The following GRB10 variants were observed in gnomAD, a reference collection of about 807,000 sequenced individuals.
The protein encoded by GRB10 is growth factor receptor-bound protein 10.
GRB10 carries 20 observed loss-of-function variants against 80.9 expected under a neutral mutation model. The observed-to-expected ratio is 0.25, with a 90% CI of 0.17 to 0.36. The LOEUF (loss-of-function observed/expected upper bound fraction) is 0.36, where lower values mean the gene tolerates loss of function less well. Ranked by LOEUF, GRB10 falls within the 10% of genes least tolerant of loss-of-function variation. The probability of loss-of-function intolerance (pLI) is 1.00; values close to 1 mark genes in which losing one functional copy is unlikely to be tolerated. For synonymous variants in GRB10, 291 were observed against 291.5 expected, an observed-to-expected ratio of 1.00 and a Z score of 0.02; for missense variants, 548 against 747.7, an observed-to-expected ratio of 0.73 and a Z score of 3.12.
chr7:50,710,910 G>C, intron 4 of GRB10: 1 of 1,612,680 alleles, frequency 6.2e-7, no homozygotes, highest in East Asian at 2.2e-5. Flanking sequence ...GCTTGCATAG[G>C]AGGTCTCTCT....
intron 2 of GRB10, chr7:50,779,738 G>A (rs796408891): frequency 4.6e-5 from 7 of 152,394 alleles, no homozygotes; most frequent in African/African-American, 1.7e-4. Context: ...AAGCCACCAG[G>A]ACTACCTTGA....
chr7:50,746,498 C>T (rs116709439), intron 3 of GRB10, among the ~76,000 whole-genome samples: 1 of 152,176 alleles, frequency 6.6e-6, no homozygotes, highest in African/African-American at 2.4e-5. Flanking sequence ...AAGGGAGGAG[C>T]GGGCACCCTC....
chr7:50,635,288 G>A (rs2054747567), intron 7 of GRB10, among the ~76,000 whole-genome samples: 1 of 152,062 alleles, frequency 6.6e-6, no homozygotes, highest in Admixed American at 6.5e-5. Flanking sequence ...TGACTTTTGG[G>A]TAAACAATGA....
chr7:50,740,695 ACAT>A (rs36036699), intron 3 of GRB10, among the ~76,000 whole-genome samples: 98,283 of 151,664 alleles, frequency 0.65, 35,160 homozygotes, highest in Middle Eastern at 0.84. Context: ...AATTCTTTAA[ACAT>A]CAAAGGGAAA....
At chr7:50,747,175 C>T (rs192154214) in intron 3 of GRB10, among the ~76,000 whole-genome samples, 28 of 152,196 alleles carry the variant, frequency 1.8e-4, no homozygotes, top group African/African-American at 6.5e-4. Flanking sequence ...CAGTCATGGT[C>T]GCTGCTGGTG....
At chr7:50,641,682 AC>A (rs1332318634) in intron 7 of GRB10, among the ~76,000 whole-genome samples, 1 of 152,182 alleles carries the variant, frequency 6.6e-6, no homozygotes, top group African/African-American at 2.4e-5. Flanking sequence ...GACAAGGCAG[AC>A]CATCACAAAC....
intron 4 of GRB10, chr7:50,711,035 A>G: frequency 1.3e-6 from 1 of 790,628 alleles, no homozygotes; most frequent in Non-Finnish European, 2.2e-6. Context: ...CCACTAAGGT[A>G]AACAAAGACC....
At position 50,703,808 on chromosome 7, in the gene GRB10, G is replaced by A. The variant is rs760719730; in HGVS notation, c.139+13C>T. On this transcript the variant is annotated intron_variant, in intron 5 of 18. Transcript: ENST00000401949. ...AGAACTGGGAGTGTTCTTGTGTTTT[G>A]CTCATTCCTTACCCTGGTGATTCGC... 6 of 1,601,140 alleles carry A rather than the reference G, an allele frequency of 3.7e-6. No individual in the cohort carries two copies. In the Admixed American group the frequency reaches 1.0e-4, roughly 27 times the overall value.
At chr7:50,753,893 T>C (rs1481715960) in intron 3 of GRB10, among the ~76,000 whole-genome samples, 2 of 152,108 alleles carry the variant, frequency 1.3e-5, no homozygotes, top group Non-Finnish European at 2.9e-5. Flanking sequence ...ATCCAGGAAG[T>C]GGGCGCTGGG....
At chr7:50,789,958 A>G (rs1403529600) in intron 1 of GRB10, among the ~76,000 whole-genome samples, 3 of 152,214 alleles carry the variant, frequency 2.0e-5, no homozygotes, top group Non-Finnish European at 4.4e-5. Flanking sequence ...GGTGGTTTTA[A>G]GCTTTGACTG....
intron 3 of GRB10, among the ~76,000 whole-genome samples, chr7:50,747,128 C>A (rs916458010): frequency 2.0e-5 from 3 of 152,144 alleles, no homozygotes; most frequent in Non-Finnish European, 1.5e-5. Context: ...TTATTTGAAT[C>A]ATTAGGAGTT....
chr7:50,736,535 G>A (rs1460186377), intron 3 of GRB10, among the ~76,000 whole-genome samples: 2 of 152,196 alleles, frequency 1.3e-5, no homozygotes, highest in Admixed American at 6.5e-5. Flanking sequence ...GCTCACGCCT[G>A]TAATCCCCAT....
At chr7:50,740,313 T>G (rs2071483151) in intron 3 of GRB10, among the ~76,000 whole-genome samples, 1 of 152,150 alleles carries the variant, frequency 6.6e-6, no homozygotes, top group African/African-American at 2.4e-5. Flanking sequence ...AGCTTCACTT[T>G]TGAGACAGTC....
intron 8 of GRB10, among the ~76,000 whole-genome samples, chr7:50,624,007 T>A (rs945648350): frequency 6.6e-6 from 1 of 152,332 alleles, no homozygotes; most frequent in East Asian, 1.9e-4. Flanking sequence ...TCAGTAATAA[T>A]GTACTTTGTA....
chr7:50,776,284 GCTCACTGTAGC>G (rs376998372), intron 2 of GRB10, among the ~76,000 whole-genome samples: 1 of 152,104 alleles, frequency 6.6e-6, no homozygotes, highest in Non-Finnish European at 1.5e-5. Context: ...CAGAATCATG[GCTCACTGTAGC>G]CTTGACCTCC....
intron 4 of GRB10, among the ~76,000 whole-genome samples, chr7:50,726,668 C>T (rs956753808): frequency 6.6e-6 from 1 of 152,182 alleles, no homozygotes; most frequent in African/African-American, 2.4e-5. Flanking sequence ...ACCTTACGAT[C>T]AGCACACATG....
chr7:50,669,149 A>C (rs2060104083), intron 7 of GRB10, among the ~76,000 whole-genome samples: 1 of 152,214 alleles, frequency 6.6e-6, no homozygotes, highest in Non-Finnish European at 1.5e-5. Context: ...TAAACATCAA[A>C]TCATTGTTAT....
In GRB10 at chr7:50,674,499, T is replaced by C. The variant is rs1157122043; in HGVS notation, c.299A>G (p.Gln100Arg). 2 of 1,609,336 alleles carry C rather than the reference T, an allele frequency of 1.2e-6. No individual in the cohort carries two copies. The highest frequency in any genetic ancestry group is 1.7e-6 in the Non-Finnish European group (2 of 1,180,004). Reference sequence around the variant, plus strand: ...CCTCTGCCTCGGGGACACCTGTGGCTGGATGGACCGAGGAGGGCCTGAAGC... The same window carrying C: ...CCTCTGCCTCGGGGACACCTGTGGCCGGATGGACCGAGGAGGGCCTGAAGC... ...PRASGPPRSI[Q>R]PQVSPRQRVQ... The change falls in exon 6 of 19, where the codon CAG becomes CGG. Residue 100 changes from glutamine to arginine, a missense_variant. Physicochemically the swap from Gln to Arg is conservative, Grantham distance 43 (BLOSUM62 1). Around this residue, in one of 4 missense-constraint regions of GRB10, gnomAD observed 245 missense variants for 229.3 expected, o/e 1.07. Transcript: ENST00000401949.
chr7:50,594,949 C>T (rs929331180), intron 18 of GRB10, among the ~76,000 whole-genome samples: 4 of 152,178 alleles, frequency 2.6e-5, no homozygotes, highest in African/African-American at 9.7e-5. Context: ...CTGGTGTACA[C>T]CAGGACAAAT....
Sources: gnomAD v4.1 joint callset for allele counts (sites outside exome capture counted in the v4.1 genomes callset) on GRCh38, gnomAD v4.1.1 for gene constraint, gnomAD v4.1.1 regional missense constraint, MANE v1.5 for transcripts, NCBI Gene and HGNC (gene_info 2026-07-23, HGNC 2026-07-21) for gene names.